The following PATL2 variants were observed in gnomAD, a reference collection of about 807,000 sequenced individuals.
The protein encoded by PATL2 is protein PAT1 homolog 2.
In PATL2, 73 loss-of-function variants were observed where a neutral mutation model predicts 77.0. That is an observed-to-expected ratio of 0.95 (90% CI 0.78 to 1.15). The LOEUF is 1.15. PATL2 is among the 50% of genes most tolerant of loss of function. PATL2 has a pLI of 0.00. For missense variants in PATL2, 618 were observed against 655.4 expected (o/e 0.94, Z 0.62); for synonymous variants, 265 against 257.1 (o/e 1.03, Z -0.29).
intron 3 of PATL2, among the ~76,000 whole-genome samples, chr15:44,686,276 A>T (rs1201727533): frequency 6.6e-6 from 1 of 152,210 alleles, no homozygotes; most frequent in Admixed American, 6.5e-5. Context: ...GCAAAACTAC[A>T]TGGAAACTGA....
intron 8 of PATL2, 27 bp downstream of exon 8, chr15:44,672,361 C>T: frequency 6.5e-7 from 1 of 1,550,282 alleles, no homozygotes; most frequent in East Asian, 2.4e-5. Context: ...GGGCTCCCCT[C>T]AACCCTGCTC....
chr15:44,689,101 A>C (rs906260821), intron 3 of PATL2, among the ~76,000 whole-genome samples: 6 of 152,244 alleles, frequency 3.9e-5, no homozygotes, highest in African/African-American at 1.4e-4. Flanking sequence ...GCCAACAAAC[A>C]TATGAAAAAA....
intron 6 of PATL2, 21 bp downstream of exon 6, chr15:44,674,129 T>G: frequency 1.3e-6 from 2 of 1,527,996 alleles, no homozygotes; most frequent in Non-Finnish European, 1.8e-6. Context: ...ACCCACAGTA[T>G]GGAGACTGCA....
chr15:44,673,478 G>T, intron 6 of PATL2, 101 bp from the exon 7 acceptor site: 1 of 1,422,006 alleles, frequency 7.0e-7, no homozygotes, highest in Non-Finnish European at 9.5e-7. Flanking sequence ...TTCCCCTCAA[G>T]AACTTCACCC....
Position 44,665,942 on chromosome 15 carries a change from G to A in PATL2, c.*11C>T. 1.3e-6 allele frequency: 2 copies of A among 1,547,636 alleles called. No individual in the cohort carries two copies. The highest frequency in any genetic ancestry group is 1.7e-6 in the Non-Finnish European group (2 of 1,146,020). The stretch of plus-strand genomic sequence containing the variant: ...CAACTTCCCACATACACGTATTCCA[G>A]AACAAACAGATCAGTAAATCCAGGC... On this transcript the variant is annotated 3_prime_UTR_variant, in exon 18 of 18. Transcript: ENST00000682850.
intron 3 of PATL2, among the ~76,000 whole-genome samples, chr15:44,681,893 G>A (rs80036040): frequency 0.013 from 1,917 of 152,264 alleles, 49 homozygotes; most frequent in African/African-American, 0.044. Flanking sequence ...CTATCTTAAA[G>A]TTCCCTACCT....
rs1300027339 is a variant in PATL2 at position 44,674,188 on chromosome 15, G to A, written c.265C>T (p.Leu89=). The A allele has an allele frequency of 1.3e-6, 2 of 1,550,952 alleles. No homozygotes were observed. The highest frequency in any genetic ancestry group is 1.2e-5 in the South Asian group (1 of 84,032). The part of the protein sequence containing the change: ...SSPGVKAPGM[L]GMSLASLHFL... Reference sequence around the variant, plus strand: ...TGCAAGGAGGCAAGTGACATTCCCAGCATACCAGGGGCCTTGACTCCAGGG... The same window carrying A: ...TGCAAGGAGGCAAGTGACATTCCCAACATACCAGGGGCCTTGACTCCAGGG... Residue 89 remains leucine, a synonymous_variant, in exon 6 of 18, where the codon CTG becomes TTG. Coordinates refer to ENST00000682850, the MANE Select transcript of PATL2 (RefSeq NM_001387263.1).
intron 3 of PATL2, among the ~76,000 whole-genome samples, chr15:44,699,887 CTT>C (rs2086592319): frequency 2.6e-5 from 4 of 152,078 alleles, no homozygotes; most frequent in Admixed American, 2.0e-4. Flanking sequence ...GTATCATGCT[CTT>C]TTGGTTACTG....
chr15:44,667,378 T>G, intron 15 of PATL2, 175 bp from the exon 16 acceptor site: 1 of 579,688 alleles, frequency 1.7e-6, no homozygotes, highest in South Asian at 2.0e-5. Context: ...CTCTAACCCT[T>G]TCCATAGGAA....
In PATL2 at chr15:44,708,095, C is replaced by T. The variant is rs146097738; in HGVS notation, c.-76+2001G>A. Among the ~76,000 whole-genome samples, 445 of 152,356 alleles carry T rather than the reference C, an allele frequency of 2.9e-3. 3 individuals carry two copies. Among genetic ancestry groups the T allele is most frequent in the Non-Finnish European group, 5.1e-3 (350 of 68,030 alleles). ...ACATTCTCTCTCCATGCCAGGTGGC[C>T]GCTGCCGGCGAATGGGGGAGAGATA... On this transcript the variant is annotated intron_variant, in intron 3 of 17. Transcript: ENST00000682850.
intron 3 of PATL2, among the ~76,000 whole-genome samples, chr15:44,683,684 A>G (rs2086186948): frequency 3.3e-5 from 5 of 152,168 alleles, no homozygotes; most frequent in Admixed American, 3.3e-4. Context: ...AGACTTAAAC[A>G]TTCCTGCCTG....
chr15:44,698,142 TA>T (rs1231383616), intron 3 of PATL2, among the ~76,000 whole-genome samples: 1 of 151,634 alleles, frequency 6.6e-6, no homozygotes, highest in Non-Finnish European at 1.5e-5. Flanking sequence ...TGTGTGTGTA[TA>T]TATATATATG....
At chr15:44,686,358 A>G (rs1299593267) in intron 3 of PATL2, among the ~76,000 whole-genome samples, 8 of 152,232 alleles carry the variant, frequency 5.3e-5, no homozygotes, top group Non-Finnish European at 1.5e-5. Flanking sequence ...CTTTGAAACC[A>G]ATGAGAACAA....
intron 13 of PATL2, 30 bp downstream of exon 13, chr15:44,669,250 T>C: frequency 6.5e-7 from 1 of 1,537,574 alleles, no homozygotes; most frequent in Non-Finnish European, 8.8e-7. Context: ...CTTCCCTTCC[T>C]GGGCTGAGGT....
intron 3 of PATL2, among the ~76,000 whole-genome samples, chr15:44,688,718 G>A (rs1396594946): frequency 2.6e-5 from 4 of 152,156 alleles, no homozygotes; most frequent in Admixed American, 2.6e-4. Context: ...ACTCAAGATG[G>A]ATTAAAGACT....
chr15:44,672,068 G>C lies in PATL2; in HGVS notation c.604C>G (p.Gln202Glu). 1 of 1,551,694 alleles carries C rather than the reference G, an allele frequency of 6.4e-7. No individual in the cohort carries two copies. Among genetic ancestry groups the C allele is most frequent in the Non-Finnish European group, 8.7e-7 (1 of 1,146,988 alleles). The part of the protein sequence containing the change: ...RKEKDWVIKV[Q>E]MVQLQSAKPR... ...TTTGCACTCTGCAGCTGCACCATCT[G>C]CACTTTTATCACCCAGTCCTTCTCT... The change falls in exon 9 of 18, where the codon CAG becomes GAG. Residue 202 changes from glutamine (Q) to glutamate (E), a missense_variant. By Grantham distance (29) the Gln-to-Glu change is conservative. Transcript: ENST00000682850.
chr15:44,669,937 C>A, intron 10 of PATL2, 30 bp downstream of exon 10: 1 of 1,549,638 alleles, frequency 6.5e-7, no homozygotes, highest in Non-Finnish European at 8.7e-7. Flanking sequence ...AGATGCCCAG[C>A]CCAAGTCAGC....
Position 44,668,992 on chromosome 15 carries a change from A to T in PATL2, c.1212T>A (p.Asp404Glu). ...THHLPLLVRRDVADQALQMLF... is the reference protein window; with the variant it reads ...THHLPLLVRREVADQALQMLF... ...AATGCCACAGTACCTGATCAGCCAC[A>T]TCCCTCCGGACCAGGAGGGGCAGAT... Residue 404 changes from aspartate to glutamate, a missense_variant, in exon 14 of 18, where the codon GAT (aspartate) becomes GAA (glutamate). Physicochemically the swap from Asp to Glu is conservative, Grantham distance 45 (BLOSUM62 2). Coordinates refer to ENST00000682850, the MANE Select transcript of PATL2 (RefSeq NM_001387263.1). 1 of 1,545,788 alleles carries T rather than the reference A, an allele frequency of 6.5e-7. No homozygotes were observed. The highest frequency in any genetic ancestry group is 8.7e-7 in the Non-Finnish European group (1 of 1,143,526).
At chr15:44,688,859 G>T (rs762882932) in intron 3 of PATL2, among the ~76,000 whole-genome samples, 5 of 152,122 alleles carry the variant, frequency 3.3e-5, no homozygotes, top group Non-Finnish European at 7.4e-5. Flanking sequence ...AAATTGACAA[G>T]TGGTATCTAA....
Sources: allele counts gnomAD v4.1 joint callset (sites outside exome capture counted in the v4.1 genomes callset), GRCh38; gene constraint gnomAD v4.1.1; transcripts MANE v1.5; gene names NCBI Gene and HGNC (gene_info 2026-07-23, HGNC 2026-07-21).